Variants in CSNK1G3 observed in about 807,000 individuals in gnomAD.
The protein encoded by CSNK1G3 is casein kinase I isoform gamma-3.
In CSNK1G3, 23 loss-of-function variants were observed where a neutral mutation model predicts 64.3. The ratio of observed to expected loss-of-function variants is 0.36; its 90% CI spans 0.26 to 0.51. CSNK1G3 has a LOEUF of 0.51. Among genes scored for constraint, CSNK1G3 ranks in the 20% least tolerant of loss-of-function variants. CSNK1G3 has a pLI of 0.96. For missense variants in CSNK1G3, 357 were observed against 510.5 expected, an observed-to-expected ratio of 0.70 and a Z score of 2.90; for synonymous variants, 158 against 162.2, an observed-to-expected ratio of 0.97 and a Z score of 0.20.
intron 1 of CSNK1G3, among the ~76,000 whole-genome samples, chr5:123,520,009 C>CT (rs1310552122): frequency 5.3e-5 from 8 of 151,832 alleles, no homozygotes; most frequent in Non-Finnish European, 1.2e-4. Context: ...CAGAAGTTTT[C>CT]TTTTTTTTCC....
chr5:123,590,435 T>A lies in CSNK1G3; in HGVS notation c.867T>A (p.Tyr289Ter). The A allele has an allele frequency of 6.7e-7, 1 of 1,492,192 alleles. No homozygotes were observed. The highest frequency in any genetic ancestry group is 9.0e-7 in the Non-Finnish European group (1 of 1,117,254). The allele number at this position is 1,492,192 out of a possible 1,614,324, so 92.4% of individuals were successfully genotyped here. Reference sequence around the variant, plus strand: ...AAGAAATGGCAACATATCTTCGTTATGTAAGAAGGCTAGATTTTTTTGAAA... The same window carrying A: ...AAGAAATGGCAACATATCTTCGTTAAGTAAGAAGGCTAGATTTTTTTGAAA... The change falls in exon 9 of 13, where the codon TAT becomes TAA. Residue 289 changes from tyrosine to a stop codon, truncating the protein, a stop_gained. Transcript: ENST00000345990. LOFTEE classifies it high-confidence loss of function.
At chr5:123,549,925 C>T (rs1474559081) in intron 2 of CSNK1G3, among the ~76,000 whole-genome samples, 4 of 152,146 alleles carry the variant, frequency 2.6e-5, no homozygotes, top group Non-Finnish European at 5.9e-5. Flanking sequence ...TCCATAACAT[C>T]TCTTATTTTT....
At chr5:123,516,089 G>T (rs964203909) in intron 1 of CSNK1G3, among the ~76,000 whole-genome samples, 3 of 152,010 alleles carry the variant, frequency 2.0e-5, no homozygotes, top group African/African-American at 7.2e-5. Flanking sequence ...TTCTCAAGCG[G>T]TTGGCAATTC....
Position 123,588,563 on chromosome 5 carries a change from A to G in CSNK1G3, c.844+52A>G, listed in dbSNP as rs1791748898. 2.7e-6 allele frequency: 3 copies of G among 1,093,260 alleles called. 1 individual carries two copies. The highest frequency in any genetic ancestry group is 4.5e-4 in the Middle Eastern group (2 of 4,410). The allele number at this position is 1,093,260 out of a possible 1,614,324, so 67.7% of individuals were successfully genotyped here. On this transcript the variant is annotated intron_variant, in intron 8 of 12. Coordinates refer to ENST00000345990, the Ensembl canonical transcript of CSNK1G3. ...TTATATACAGAAAACTAGAAATGCT[A>G]ATTTTTATTGCTTAAGTTTATACAT...
chr5:123,554,399 G>A (rs548467965), intron 3 of CSNK1G3, among the ~76,000 whole-genome samples: 2 of 152,284 alleles, frequency 1.3e-5, no homozygotes, highest in East Asian at 3.9e-4. Context: ...AGGAAAGAGT[G>A]AATTTCTAAC....
intron 4 of CSNK1G3, among the ~76,000 whole-genome samples, chr5:123,559,687 G>T (rs1389497895): frequency 6.8e-6 from 1 of 146,724 alleles, no homozygotes; most frequent in African/African-American, 2.6e-5. Flanking sequence ...CATGAATTTG[G>T]GCATATTTTT....
chr5:123,567,326 C>T (rs776825693), intron 4 of CSNK1G3, among the ~76,000 whole-genome samples: 9 of 152,106 alleles, frequency 5.9e-5, no homozygotes, highest in Non-Finnish European at 8.8e-5. Flanking sequence ...TAAGGCCAGG[C>T]GTGGTGGCTC....
chr5:123,605,217 TAAC>T (rs1795147011), intron 11 of CSNK1G3, 119 bp from the exon 13 acceptor site: 2 of 823,348 alleles, frequency 2.4e-6, no homozygotes, highest in Admixed American at 3.1e-5. Context: ...ACATAAATTA[TAAC>T]AACATTGCTT....
chr5:123,557,620 T>G (rs1784882127), intron 4 of CSNK1G3, 56 bp downstream of exon 4: 1 of 1,129,252 alleles, frequency 8.9e-7, no homozygotes, highest in Admixed American at 2.4e-5. Flanking sequence ...CATGACTTTT[T>G]AGTTTCAAGG....
At chr5:123,534,896 C>G (rs1284549307) in intron 1 of CSNK1G3, among the ~76,000 whole-genome samples, 1 of 152,022 alleles carries the variant, frequency 6.6e-6, no homozygotes. Context: ...TTGGTCATGT[C>G]CAAGTGTGTT....
At chr5:123,513,205 C>T (rs575748830) in intron 1 of CSNK1G3, among the ~76,000 whole-genome samples, 8 of 152,280 alleles carry the variant, frequency 5.3e-5, no homozygotes, top group African/African-American at 1.7e-4. Flanking sequence ...GATGGTTACT[C>T]TCATGGTGCC....
chr5:123,548,903 A>C (rs1783106869), intron 2 of CSNK1G3, among the ~76,000 whole-genome samples: 2 of 152,236 alleles, frequency 1.3e-5, no homozygotes, highest in African/African-American at 4.8e-5. Context: ...AATATCCAGA[A>C]AATGCTGGCA....
intron 10 of CSNK1G3, among the ~76,000 whole-genome samples, chr5:123,600,115 T>C (rs1293682592): frequency 6.6e-6 from 1 of 152,102 alleles, no homozygotes; most frequent in Non-Finnish European, 1.5e-5. Context: ...TTCAGGAAAT[T>C]ATTTGGAAGT....
intron 10 of CSNK1G3, among the ~76,000 whole-genome samples, chr5:123,601,248 A>G (rs1360743604): frequency 1.3e-5 from 2 of 152,190 alleles, no homozygotes; most frequent in Non-Finnish European, 2.9e-5. Flanking sequence ...ACAGTAGTAT[A>G]TCTTCATTTC....
chr5:123,575,728 G>T lies in CSNK1G3; in HGVS notation c.439-1G>T. Reference sequence around the variant, plus strand: ...TTCTCTTCTTTTTTTCTTAAACCAAGATTTCTCGCATGGAATATGTCCATT... The same window carrying T: ...TTCTCTTCTTTTTTTCTTAAACCAATATTTCTCGCATGGAATATGTCCATT... On this transcript the variant is annotated splice_acceptor_variant, in intron 5 of 12. Coordinates refer to ENST00000345990, the Ensembl canonical transcript of CSNK1G3. LOFTEE classifies it high-confidence loss of function. 6.2e-7 allele frequency: 1 copy of T among 1,603,492 alleles called. No homozygotes were observed. The highest frequency in any genetic ancestry group is 1.1e-5 in the South Asian group (1 of 89,932).
intron 10 of CSNK1G3, among the ~76,000 whole-genome samples, chr5:123,592,381 G>A (rs1407339060): frequency 5.9e-5 from 9 of 151,922 alleles, no homozygotes; most frequent in Non-Finnish European, 1.0e-4. Flanking sequence ...ATCAAGTAGC[G>A]AGTTCATGTT....
chr5:123,528,373 TAAGA>T (rs2150062913), intron 1 of CSNK1G3, among the ~76,000 whole-genome samples: 2 of 152,342 alleles, frequency 1.3e-5, no homozygotes, highest in East Asian at 3.9e-4. Context: ...CTTAAATTTC[TAAGA>T]GGTTGTTCAT....
At chr5:123,553,191 CTTT>C (rs1387262718) in intron 3 of CSNK1G3, 44 bp downstream of exon 3, 2 of 1,011,734 alleles carry the variant, frequency 2.0e-6, no homozygotes, top group Admixed American at 2.8e-5. Flanking sequence ...TTCTTTGTTA[CTTT>C]TTAAGTAACT....
At chr5:123,607,870 A>AT (rs1314758752) in intron 12 of CSNK1G3, among the ~76,000 whole-genome samples, 2 of 152,020 alleles carry the variant, frequency 1.3e-5, no homozygotes, top group African/African-American at 4.8e-5. Flanking sequence ...TTTAAACAAG[A>AT]TTTTTTCTTT....
Sources: allele counts gnomAD v4.1 joint callset (sites outside exome capture counted in the v4.1 genomes callset), GRCh38; gene constraint gnomAD v4.1.1; transcripts MANE v1.5; gene names NCBI Gene and HGNC (gene_info 2026-07-23, HGNC 2026-07-21).